ARAP2: variants seen among roughly 807,000 people sequenced by gnomAD.
The protein encoded by ARAP2 is ArfGAP with RhoGAP domain, ankyrin repeat and PH domain 2, also known as arf-GAP with Rho-GAP domain, ANK repeat and PH domain-containing protein 2.
A neutral mutation model predicts 194.5 loss-of-function variants in ARAP2; 148 were observed. The observed-to-expected ratio is 0.76, with a 90% confidence interval of 0.67 to 0.87. The LOEUF (loss-of-function observed/expected upper bound fraction) is 0.87, where lower values mean the gene tolerates loss of function less well. Ranked by LOEUF, ARAP2 falls within the 40% of genes least tolerant of loss-of-function variation. The pLI is 0.00. For missense variants in ARAP2, 2,128 were observed against 1,989.7 expected (o/e 1.07, Z -1.32); for synonymous variants, 695 against 683.5 (o/e 1.02, Z -0.26).
intron 7 of ARAP2, among the ~76,000 whole-genome samples, chr4:36,190,921 G>A (rs1428392616): frequency 2.6e-5 from 4 of 152,166 alleles, no homozygotes; most frequent in Non-Finnish European, 5.9e-5. Context: ...ATCCAAGTAG[G>A]TTAAAATGGC....
At chr4:36,199,532 T>G (rs1404311193) in intron 6 of ARAP2, among the ~76,000 whole-genome samples, 1 of 152,174 alleles carries the variant, frequency 6.6e-6, no homozygotes, top group Non-Finnish European at 1.5e-5. Flanking sequence ...CCTCATGATC[T>G]GCCCGCCTGG....
At chr4:36,196,915 T>G (rs1743236334) in intron 6 of ARAP2, among the ~76,000 whole-genome samples, 1 of 151,622 alleles carries the variant, frequency 6.6e-6, no homozygotes, top group African/African-American at 2.4e-5. Context: ...GGCTCCTTCT[T>G]ATTCTTGAGA....
Position 36,140,139 on chromosome 4 carries a change from TACACAC to T in ARAP2, c.3264-6756_3264-6751del, listed in dbSNP as rs66531233. Among the ~76,000 whole-genome samples the T allele has an allele frequency of 9.4e-3, 1,320 of 140,468 alleles. 12 individuals are homozygous for T. Among genetic ancestry groups the T allele is most frequent in the African/African-American group, 0.026 (990 of 38,538 alleles). 92.2% of individuals were successfully genotyped at this position (140,468 alleles called of 152,430 possible). On this transcript the variant is annotated intron_variant, in intron 19 of 32. Transcript: ENST00000303965. Reference sequence around the variant, plus strand: ...TCTTTAAAAAACAAAACAAAAACAATACACACACACACACACACACACACACACACA... The same window carrying T: ...TCTTTAAAAAACAAAACAAAAACAATACACACACACACACACACACACACA...
intron 31 of ARAP2, among the ~76,000 whole-genome samples, chr4:36,079,304 G>C (rs560094956): frequency 6.6e-6 from 1 of 152,142 alleles, no homozygotes; most frequent in Non-Finnish European, 1.5e-5. Context: ...ATGGTAGAGA[G>C]ACAGGCTGAG....
intron 22 of ARAP2, among the ~76,000 whole-genome samples, chr4:36,122,318 A>C (rs907517898): frequency 6.6e-6 from 1 of 151,822 alleles, no homozygotes; most frequent in African/African-American, 2.4e-5. Flanking sequence ...ACAGACACAC[A>C]TATATTCACT....
intron 9 of ARAP2, among the ~76,000 whole-genome samples, chr4:36,169,365 C>A (rs1736030787): frequency 6.6e-6 from 1 of 152,062 alleles, no homozygotes; most frequent in Non-Finnish European, 1.5e-5. Context: ...GAATGACAAC[C>A]TTTTATGGAA....
intron 2 of ARAP2, among the ~76,000 whole-genome samples, chr4:36,228,009 G>T (rs1027052087): frequency 7.2e-5 from 11 of 152,184 alleles, no homozygotes; most frequent in Admixed American, 1.3e-4. Flanking sequence ...TCTCTAGTGA[G>T]CCTAGCTTCA....
Position 36,132,063 on chromosome 4 carries a change from G to A in ARAP2, c.3427+1163C>T, listed in dbSNP as rs139755804. 2.9e-3 allele frequency among the ~76,000 whole-genome samples: 433 copies of A among 151,726 alleles called. 4 individuals are homozygous for A. Among genetic ancestry groups the A allele is most frequent in the African/African-American group, 9.9e-3 (412 of 41,462 alleles). Reference sequence around the variant, plus strand: ...AATACTTAAAATGACACTCTCCCTAGAACAAGAGATTAAAATATGCCTAAG... The same window carrying A: ...AATACTTAAAATGACACTCTCCCTAAAACAAGAGATTAAAATATGCCTAAG... On this transcript the variant is annotated intron_variant, in intron 20 of 32. Transcript: ENST00000303965.
At chr4:36,175,682 T>C (rs1737740976) in intron 9 of ARAP2, among the ~76,000 whole-genome samples, 1 of 152,152 alleles carries the variant, frequency 6.6e-6, no homozygotes, top group South Asian at 2.1e-4. Context: ...CGTTAACGCA[T>C]AGAAAAGAAC....
At chr4:36,110,202 C>T (rs1157605045) in intron 26 of ARAP2, among the ~76,000 whole-genome samples, 1 of 151,824 alleles carries the variant, frequency 6.6e-6, no homozygotes, top group Non-Finnish European at 1.5e-5. Flanking sequence ...TGTAAGCCTT[C>T]CCATGATGGT....
At chr4:36,129,613 T>A (rs1014580276) in intron 20 of ARAP2, among the ~76,000 whole-genome samples, 3 of 151,904 alleles carry the variant, frequency 2.0e-5, no homozygotes, top group Non-Finnish European at 4.4e-5. Flanking sequence ...TATCTCTTTT[T>A]TCTCCCTTCC....
chr4:36,038,611 C>T (rs1237102003), intron 5 of ARAP2, among the ~76,000 whole-genome samples: 1 of 152,136 alleles, frequency 6.6e-6, no homozygotes. Context: ...TCTTTTTATA[C>T]AGCCACTTTG....
intron 6 of ARAP2, among the ~76,000 whole-genome samples, chr4:36,194,442 G>A (rs10049930): frequency 7.9e-5 from 12 of 151,996 alleles, no homozygotes; most frequent in Non-Finnish European, 1.2e-4. Flanking sequence ...ATACGAAAAC[G>A]AACTTCTTAT....
chr4:36,219,278 T>C (rs1207530989), intron 2 of ARAP2, among the ~76,000 whole-genome samples: 1 of 152,128 alleles, frequency 6.6e-6, no homozygotes, highest in Non-Finnish European at 1.5e-5. Context: ...CCCAAATATA[T>C]GTCAATGGGC....
Position 36,117,130 on chromosome 4 carries a change from G to T in ARAP2, c.3969C>A (p.Ser1323=), listed in dbSNP as rs746497686. ...FITKWKDTQV[S]QAGDLLIEVY... ...CTTCAATTAACAAATCTCCAGCCTGGGAAACCTAGAAAAGGGCAGAGGTAG... is the reference window on the plus strand; with the variant it reads ...CTTCAATTAACAAATCTCCAGCCTGTGAAACCTAGAAAAGGGCAGAGGTAG... Residue 1323 remains serine (S), a synonymous_variant, in exon 25 of 33, where the codon TCC becomes TCA. Transcript: ENST00000303965. 3 of 1,594,232 alleles carry T rather than the reference G, an allele frequency of 1.9e-6. No individual in the cohort carries two copies. The highest frequency in any genetic ancestry group is 2.6e-6 in the Non-Finnish European group (3 of 1,171,504).
intron 26 of ARAP2, among the ~76,000 whole-genome samples, chr4:36,111,713 A>G (rs1720037202): frequency 6.6e-6 from 1 of 151,970 alleles, no homozygotes; most frequent in Non-Finnish European, 1.5e-5. Flanking sequence ...CTGAGGGTAA[A>G]CATCCCTTGA....
rs762899071 is a variant in ARAP2 at position 36,210,515 on chromosome 4, G to C, written c.1362C>G (p.Ser454Arg). The change falls in exon 6 of 33, where the codon AGC becomes AGG. Residue 454 changes from serine to arginine, a missense_variant. Ser to Arg is a moderately radical substitution (Grantham distance 110, BLOSUM62 -1). Coordinates refer to ENST00000303965, the MANE Select transcript of ARAP2 (RefSeq NM_015230.4). Reference protein sequence around the residue: ...DSVNRHSYPLSSTSGNADSSA... With the variant: ...DSVNRHSYPLRSTSGNADSSA... Reference sequence around the variant, plus strand: ...ATGAATCAGCATTTCCACTTGTTGAGCTTAACGGATAACTGTGCCTATTAA... The same window carrying C: ...ATGAATCAGCATTTCCACTTGTTGACCTTAACGGATAACTGTGCCTATTAA... The C allele has an allele frequency of 6.2e-7, 1 of 1,613,944 alleles. No individual in the cohort carries two copies. Among genetic ancestry groups the C allele is most frequent in the South Asian group, 1.1e-5 (1 of 91,076 alleles).
chr4:36,124,616 C>T (rs16991942), intron 22 of ARAP2, among the ~76,000 whole-genome samples: 5,979 of 151,922 alleles, frequency 0.039, 387 homozygotes, highest in African/African-American at 0.14. Context: ...CTTTATTCTC[C>T]AGCTTCCAAA....
intron 5 of ARAP2, among the ~76,000 whole-genome samples, chr4:36,041,857 A>G (rs2109227695): frequency 6.6e-6 from 1 of 152,288 alleles, no homozygotes; most frequent in East Asian, 1.9e-4. Flanking sequence ...AAAGAATGAG[A>G]TCATGTCTTT....
Sources: allele counts gnomAD v4.1 joint callset (sites outside exome capture counted in the v4.1 genomes callset), GRCh38; gene constraint gnomAD v4.1.1; transcripts MANE v1.5; gene names NCBI Gene and HGNC (gene_info 2026-07-23, HGNC 2026-07-21).